CNTNAP3B: variants seen among roughly 807,000 people sequenced by gnomAD.
The protein encoded by CNTNAP3B is contactin-associated protein-like 3B.
Under a neutral mutation model 108.9 loss-of-function variants are expected in CNTNAP3B, and 25 were observed. That is an observed-to-expected ratio of 0.23 (90% CI 0.17 to 0.32). The LOEUF (loss-of-function observed/expected upper bound fraction) is 0.32. Ranked by LOEUF, CNTNAP3B falls within the 10% of genes least tolerant of loss-of-function variation. CNTNAP3B has a pLI of 1.00. For synonymous variants in CNTNAP3B, 103 were observed against 473.4 expected, an observed-to-expected ratio of 0.22 and a Z score of 10.16; for missense variants, 252 against 1,210.4, an observed-to-expected ratio of 0.21 and a Z score of 11.75.
At chr9:41,917,406 C>T (rs1472194453) in intron 18 of CNTNAP3B, among the ~76,000 whole-genome samples, 2 of 141,050 alleles carry the variant, frequency 1.4e-5, no homozygotes, top group Non-Finnish European at 3.1e-5. Context: ...GATCCATGCT[C>T]TGTTCCAAAT....
intron 13 of CNTNAP3B, among the ~76,000 whole-genome samples, chr9:41,947,324 G>A (rs1375997584): frequency 1.4e-4 from 21 of 152,066 alleles, no homozygotes; most frequent in Non-Finnish European, 2.6e-4. Flanking sequence ...TATTCTCTAA[G>A]CATAATGGAA....
intron 1 of CNTNAP3B, among the ~76,000 whole-genome samples, chr9:42,109,507 G>A (rs1313272990): frequency 8.1e-5 from 12 of 148,154 alleles, no homozygotes; most frequent in Non-Finnish European, 1.3e-4. Flanking sequence ...GAGGAAATGG[G>A]AAAAGCCAAA....
At chr9:42,035,791 G>C (rs200181086) in intron 3 of CNTNAP3B, among the ~76,000 whole-genome samples, 8 of 150,334 alleles carry the variant, frequency 5.3e-5, no homozygotes, top group African/African-American at 2.0e-4. Flanking sequence ...CTGAGCAGCT[G>C]GGACTACAGG....
chr9:41,928,644 C>A (rs963000305), intron 15 of CNTNAP3B, among the ~76,000 whole-genome samples: 159 of 152,350 alleles, frequency 1.0e-3, no homozygotes, highest in African/African-American at 3.1e-3. Context: ...TGAGGTAGAA[C>A]AGGAAATAAA....
At position 42,088,980 on chromosome 9, in the gene CNTNAP3B, G is replaced by A. The variant is rs1457449326; in HGVS notation, c.197-11918C>T. 1.5e-5 allele frequency among the ~76,000 whole-genome samples: 2 copies of A among 129,392 alleles called. 1 individual carries two copies. The highest frequency in any genetic ancestry group is 5.0e-4 in the East Asian group (2 of 4,036). The allele number at this position is 129,392 out of a possible 152,430, so 84.9% of individuals were successfully genotyped here. A position where few individuals can be genotyped will look rare whatever the true frequency, so the allele number is the denominator to read the frequency against. On this transcript the variant is annotated intron_variant, in intron 2 of 23. Coordinates refer to ENST00000377561, the MANE Select transcript of CNTNAP3B (RefSeq NM_001201380.3). ...ACCTGTAATCCCAGCACTTTGGAAG[G>A]CCAAGGTGGGCGAATCCCCTGAGGC...
chr9:42,079,604 C>T (rs1355526652), intron 2 of CNTNAP3B, among the ~76,000 whole-genome samples: 5 of 133,706 alleles, frequency 3.7e-5, no homozygotes, highest in Non-Finnish European at 6.3e-5. Flanking sequence ...TCACTGCAAC[C>T]TCCAACTCCC....
chr9:41,934,100 C>CATATATATATATATATATGTATAT lies in CNTNAP3B; in HGVS notation c.2237+4143_2237+4144insATATACATATATATATATATATAT, dbSNP rs1824067123. 9.0e-4 allele frequency among the ~76,000 whole-genome samples: 81 copies of CATATATATATATATATATGTATAT among 90,190 alleles called. 1 individual carries two copies. The highest frequency in any genetic ancestry group is 3.0e-3 in the African/African-American group (72 of 23,774). The allele number at this position is 90,190 out of a possible 152,430, so 59.2% of individuals were successfully genotyped here. On this transcript the variant is annotated intron_variant, in intron 14 of 23. Coordinates refer to ENST00000377561, the MANE Select transcript of CNTNAP3B (RefSeq NM_001201380.3). ...TCAATTTGCCTTTGCATATTTGTTA[C>CATATATATATATATATATGTATAT]ATATATATATATATATATATATACA... is the stretch of plus-strand genomic sequence containing the variant.
chr9:42,041,478 C>G (rs1356963508), intron 3 of CNTNAP3B, among the ~76,000 whole-genome samples: 2 of 148,950 alleles, frequency 1.3e-5, no homozygotes, highest in African/African-American at 2.5e-5. Flanking sequence ...CCAACAGACA[C>G]ATGAAAAAAT....
At chr9:42,016,927 G>A (rs1407152268) in intron 3 of CNTNAP3B, among the ~76,000 whole-genome samples, 2 of 151,538 alleles carry the variant, frequency 1.3e-5, no homozygotes, top group Non-Finnish European at 2.9e-5. Context: ...GTGTGTGTGT[G>A]GTGTGTTCAT....
chr9:41,944,507 C>T (rs934642011), intron 13 of CNTNAP3B, among the ~76,000 whole-genome samples: 2 of 152,272 alleles, frequency 1.3e-5, no homozygotes, highest in African/African-American at 4.8e-5. Context: ...ATTTTATACT[C>T]AAAGGCTACC....
At chr9:41,977,754 G>T (rs1196402578) in intron 9 of CNTNAP3B, among the ~76,000 whole-genome samples, 4 of 124,308 alleles carry the variant, frequency 3.2e-5, no homozygotes, top group Non-Finnish European at 6.6e-5. Context: ...TGGGAAGCTG[G>T]GACTACAGGC....
intron 11 of CNTNAP3B, among the ~76,000 whole-genome samples, chr9:41,962,167 A>C (rs1459676748): frequency 2.6e-5 from 4 of 152,290 alleles, no homozygotes; most frequent in African/African-American, 9.6e-5. Context: ...ATATACAATG[A>C]GTTATATACA....
At chr9:41,920,720 A>G (rs1223844083) in intron 17 of CNTNAP3B, among the ~76,000 whole-genome samples, 1 of 152,312 alleles carries the variant, frequency 6.6e-6, no homozygotes, top group African/African-American at 2.4e-5. Flanking sequence ...GTGCATTATA[A>G]TGGTTAGGTA....
intron 13 of CNTNAP3B, among the ~76,000 whole-genome samples, chr9:41,948,273 G>A (rs1824584136): frequency 6.6e-6 from 1 of 150,430 alleles, no homozygotes; most frequent in Non-Finnish European, 1.5e-5. Context: ...TGTATTTTTA[G>A]TGGAGACGGG....
In CNTNAP3B at chr9:41,961,685, A is replaced by C. The variant is rs1339387062; in HGVS notation, c.1757-793T>G. ...ACTTCTCGTCATTAAAAAATAATTA[A>C]AGCTGATTTAAAAAAGAAACGTCCC... On this transcript the variant is annotated intron_variant, in intron 11 of 23. Coordinates refer to ENST00000377561, the MANE Select transcript of CNTNAP3B (RefSeq NM_001201380.3). Among the ~76,000 whole-genome samples, 7 of 152,412 alleles carry C rather than the reference A, an allele frequency of 4.6e-5. No homozygotes were observed. The East Asian group carries it at 1.3e-3, about 29-fold the overall frequency.
intron 14 of CNTNAP3B, among the ~76,000 whole-genome samples, chr9:41,935,363 T>A (rs1395298609): frequency 6.6e-6 from 1 of 152,280 alleles, no homozygotes; most frequent in Non-Finnish European, 1.5e-5. Context: ...AGACTTAAAA[T>A]AGCTTTCACT....
chr9:42,041,378 A>C (rs1826749048), intron 3 of CNTNAP3B, among the ~76,000 whole-genome samples: 1 of 151,562 alleles, frequency 6.6e-6, no homozygotes, highest in African/African-American at 2.4e-5. Flanking sequence ...AAAGAATTTA[A>C]ACAAATTTAC....
In CNTNAP3B at chr9:42,116,601, A is replaced by G. The variant is rs1462027983; in HGVS notation, c.86-11862T>C. Among the ~76,000 whole-genome samples the G allele has an allele frequency of 1.4e-4, 20 of 139,754 alleles. 5 individuals carry two copies. Among genetic ancestry groups the G allele is most frequent in the African/African-American group, 5.4e-4 (19 of 35,228 alleles). The allele number at this position is 139,754 out of a possible 152,430, so 91.7% of individuals were successfully genotyped here. On this transcript the variant is annotated intron_variant, in intron 1 of 23. Coordinates refer to ENST00000377561, the MANE Select transcript of CNTNAP3B (RefSeq NM_001201380.3). ...ATTGTAAAGACCATCAAGGCTAGGA[A>G]GAAACTGCATCAACTAATGAGCAAA...
At position 42,109,809 on chromosome 9, in the gene CNTNAP3B, G is replaced by A. The variant is rs568486773; in HGVS notation, c.86-5070C>T. ...CAGATGTGATCAAAGACCCTGAGAC[G>A]AGGAAATTATCTTGAATTATCTGGC... On this transcript the variant is annotated intron_variant, in intron 1 of 23. Transcript: ENST00000377561. Among the ~76,000 whole-genome samples the A allele has an allele frequency of 7.4e-5, 10 of 135,258 alleles. 1 individual carries two copies. Among genetic ancestry groups the A allele is most frequent in the Admixed American group, 1.5e-4 (2 of 13,562 alleles). The allele number at this position is 135,258 out of a possible 152,430, so 88.7% of individuals were successfully genotyped here. A position where few individuals can be genotyped will look rare whatever the true frequency, so the allele number is the denominator to read the frequency against.
Sources: gnomAD v4.1 joint callset for allele counts (sites outside exome capture counted in the v4.1 genomes callset) on GRCh38, gnomAD v4.1.1 for gene constraint, MANE v1.5 for transcripts, NCBI Gene and HGNC (gene_info 2026-07-23, HGNC 2026-07-21) for gene names.